WWOX: variants seen among roughly 807,000 people sequenced by gnomAD.
WWOX encodes the protein WW domain containing oxidoreductase.
Under a neutral mutation model 46.2 loss-of-function variants are expected in WWOX, and 69 were observed. The observed-to-expected ratio is 1.49, with a 90% CI of 1.23 to 1.82. The LOEUF (loss-of-function observed/expected upper bound fraction) is 1.82. Among genes scored for constraint, WWOX ranks in the 40% most tolerant of loss-of-function variants. The pLI is 0.00. For synonymous variants in WWOX, 359 were observed against 202.6 expected (o/e 1.77, Z -6.56); for missense variants, 919 against 542.6 (o/e 1.69, Z -6.89).
intron 8 of WWOX, among the ~76,000 whole-genome samples, chr16:78,851,081 G>A (rs1597720257): frequency 6.6e-6 from 1 of 152,168 alleles, no homozygotes; most frequent in South Asian, 2.1e-4. Flanking sequence ...GAGGCCAGGT[G>A]ACTTAATTTC....
chr16:79,203,245 C>T (rs1358049040), intron 8 of WWOX: 1 of 152,164 alleles, frequency 6.6e-6, no homozygotes, highest in Non-Finnish European at 1.5e-5. Flanking sequence ...ACACTCTCCA[C>T]AGTATGTTCT....
At chr16:78,987,250 C>T (rs962805330) in intron 8 of WWOX, among the ~76,000 whole-genome samples, 1 of 152,140 alleles carries the variant, frequency 6.6e-6, no homozygotes, top group Non-Finnish European at 1.5e-5. Context: ...TAACTCAGTC[C>T]TGGCTTTATT....
chr16:78,701,948 G>T (rs1211315469), intron 8 of WWOX, among the ~76,000 whole-genome samples: 1 of 144,720 alleles, frequency 6.9e-6, no homozygotes, highest in Non-Finnish European at 1.5e-5. Flanking sequence ...ACACTGGGAG[G>T]CCGAGATGGG....
chr16:78,808,919 G>A (rs1279622136), intron 8 of WWOX, among the ~76,000 whole-genome samples: 1 of 152,102 alleles, frequency 6.6e-6, no homozygotes, highest in Non-Finnish European at 1.5e-5. Context: ...TAGGCCATTT[G>A]CCAATGCTGC....
intron 8 of WWOX, among the ~76,000 whole-genome samples, chr16:78,724,403 C>A (rs117263345): frequency 6.6e-6 from 1 of 152,090 alleles, no homozygotes; most frequent in Admixed American, 6.5e-5. Context: ...CCTGCTTTTC[C>A]TTGTTCCAGA....
At chr16:78,898,402 C>G (rs2044750576) in intron 8 of WWOX, 1 of 152,080 alleles carries the variant, frequency 6.6e-6, no homozygotes, top group Admixed American at 6.6e-5. Context: ...AAAGACTAAT[C>G]CTCGCGCTAT....
chr16:79,211,570 C>T (rs776641892), intron 8 of WWOX, 38 bp from the exon 9 acceptor site: 5 of 1,613,806 alleles, frequency 3.1e-6, no homozygotes, highest in Non-Finnish European at 3.4e-6. Context: ...CACTCCTTTT[C>T]TTAAAATTTT....
intron 8 of WWOX, among the ~76,000 whole-genome samples, chr16:79,038,439 A>T (rs911890301): frequency 6.6e-6 from 1 of 152,206 alleles, no homozygotes; most frequent in Non-Finnish European, 1.5e-5. Context: ...CATGCCCTAG[A>T]CATGCACAGA....
At chr16:78,797,727 C>G (rs1287718254) in intron 8 of WWOX, among the ~76,000 whole-genome samples, 1 of 152,210 alleles carries the variant, frequency 6.6e-6, no homozygotes, top group Non-Finnish European at 1.5e-5. Context: ...TTAGGTCATG[C>G]CTGTAATCCC....
chr16:78,152,648 A>G (rs1222825168), intron 4 of WWOX, among the ~76,000 whole-genome samples: 3 of 151,960 alleles, frequency 2.0e-5, no homozygotes, highest in South Asian at 2.1e-4. Flanking sequence ...CATTTTTCTC[A>G]CTCATTCCTA....
chr16:78,876,576 T>A (rs1430638850), intron 8 of WWOX, among the ~76,000 whole-genome samples: 2 of 152,188 alleles, frequency 1.3e-5, no homozygotes, highest in Non-Finnish European at 2.9e-5. Flanking sequence ...TGTCTTTAAT[T>A]TGTTAATGCT....
chr16:79,058,872 A>G (rs763741139), intron 8 of WWOX, among the ~76,000 whole-genome samples: 1 of 152,252 alleles, frequency 6.6e-6, no homozygotes, highest in African/African-American at 2.4e-5. Flanking sequence ...ATGTGTTTAC[A>G]GAAGAACCAG....
At chr16:78,667,051 A>AT (rs1189552753) in intron 8 of WWOX, among the ~76,000 whole-genome samples, 1 of 152,140 alleles carries the variant, frequency 6.6e-6, no homozygotes, top group Non-Finnish European at 1.5e-5. Context: ...CTCTTACATA[A>AT]TGGTCAGAGG....
At chr16:78,126,057 C>G (rs1464021349) in intron 4 of WWOX, among the ~76,000 whole-genome samples, 1 of 152,112 alleles carries the variant, frequency 6.6e-6, no homozygotes, top group African/African-American at 2.4e-5. Flanking sequence ...CGTGATTTTT[C>G]TATTTAAATT....
intron 8 of WWOX, among the ~76,000 whole-genome samples, chr16:78,475,275 T>C (rs546298403): frequency 6.6e-6 from 1 of 152,346 alleles, no homozygotes; most frequent in South Asian, 2.1e-4. Context: ...TTCTCCTCCC[T>C]GTGTATTGAG....
intron 8 of WWOX, among the ~76,000 whole-genome samples, chr16:78,635,295 T>G (rs2046541128): frequency 1.3e-5 from 2 of 152,132 alleles, no homozygotes; most frequent in South Asian, 4.1e-4. Context: ...TGGTTGTCCC[T>G]TTAATCCATC....
chr16:79,001,321 C>G (rs1211871973), intron 8 of WWOX, among the ~76,000 whole-genome samples: 1 of 152,024 alleles, frequency 6.6e-6, no homozygotes, highest in South Asian at 2.1e-4. Context: ...TCCCCCTATT[C>G]TCAGCAGGAG....
At chr16:78,916,183 AG>A (rs1567646845) in intron 8 of WWOX, among the ~76,000 whole-genome samples, 1 of 152,224 alleles carries the variant, frequency 6.6e-6, no homozygotes, top group Non-Finnish European at 1.5e-5. Context: ...ACGCTGCACA[AG>A]GAAGACCTTA....
At chr16:78,942,642 C>G (rs1283640344) in intron 8 of WWOX, among the ~76,000 whole-genome samples, 1 of 152,168 alleles carries the variant, frequency 6.6e-6, no homozygotes, top group Non-Finnish European at 1.5e-5. Context: ...ATACTTTTCA[C>G]ACGTGGCATG....
Sources: allele counts gnomAD v4.1 joint callset (sites outside exome capture counted in the v4.1 genomes callset), GRCh38; gene constraint gnomAD v4.1.1; transcripts MANE v1.5; gene names NCBI Gene and HGNC (gene_info 2026-07-23, HGNC 2026-07-21).